Variants in COL24A1 observed in about 807,000 individuals in gnomAD.
The protein encoded by COL24A1 is collagen alpha-1(XXIV) chain.
Under a neutral mutation model 253.9 loss-of-function variants are expected in COL24A1, and 224 were observed. The ratio of observed to expected loss-of-function variants is 0.88; its 90% CI spans 0.79 to 0.99. The LOEUF (loss-of-function observed/expected upper bound fraction) is 0.99. Among genes scored for constraint, COL24A1 ranks in the 50% least tolerant of loss-of-function variants. The pLI, the probability that COL24A1 is intolerant of heterozygous loss-of-function variation, is 0.00. For synonymous variants in COL24A1, 685 were observed against 673.7 expected, an observed-to-expected ratio of 1.02 and a Z score of -0.26; for missense variants, 2,131 against 2,068.5, an observed-to-expected ratio of 1.03 and a Z score of -0.59.
chr1:85,799,379 TAAAAAAAAAAA>T (rs66952563), intron 47 of COL24A1, among the ~76,000 whole-genome samples: 2 of 112,336 alleles, frequency 1.8e-5, no homozygotes, highest in Non-Finnish European at 1.8e-5. Flanking sequence ...GTGCCATGAC[TAAAAAAAAAAA>T]AAAAAAAAAA....
intron 32 of COL24A1, 52 bp from the exon 33 acceptor site, chr1:85,877,227 G>A (rs1681281705): frequency 7.8e-7 from 1 of 1,290,164 alleles, no homozygotes; most frequent in East Asian, 2.5e-5. Flanking sequence ...CTCTATGTCA[G>A]TAAATGTATT....
intron 2 of COL24A1, among the ~76,000 whole-genome samples, chr1:86,140,450 T>C (rs1451470171): frequency 1.3e-5 from 2 of 152,216 alleles, no homozygotes; most frequent in Non-Finnish European, 2.9e-5. Context: ...CTAAGCTGTG[T>C]ATAGAAGTTT....
In COL24A1 at chr1:86,088,641, C is replaced by T. The variant is rs77771545; in HGVS notation, c.1707+533G>A. ...TTTCACTAGCTGTCCCCAATCCTCA[C>T]GTCACTTCCATCCTACCCTTCAAGC... On this transcript the variant is annotated intron_variant, in intron 7 of 59. Coordinates refer to ENST00000370571, the MANE Select transcript of COL24A1 (RefSeq NM_152890.7). 2.5e-3 allele frequency among the ~76,000 whole-genome samples: 385 copies of T among 152,270 alleles called. 1 individual carries two copies. The highest frequency in any genetic ancestry group is 8.8e-3 in the African/African-American group (366 of 41,554).
chr1:85,787,577 G>T (rs1259451845), intron 47 of COL24A1, among the ~76,000 whole-genome samples: 1 of 152,120 alleles, frequency 6.6e-6, no homozygotes, highest in Admixed American at 6.5e-5. Context: ...ATTCCATGCT[G>T]TATATGTACC....
intron 18 of COL24A1, among the ~76,000 whole-genome samples, chr1:86,020,565 T>C (rs1697436716): frequency 6.6e-6 from 1 of 152,164 alleles, no homozygotes; most frequent in South Asian, 2.1e-4. Context: ...TTGCCTTGTG[T>C]AAGCACGATA....
chr1:85,860,049 G>A (rs115447761), intron 37 of COL24A1, among the ~76,000 whole-genome samples: 2,960 of 152,168 alleles, frequency 0.019, 41 homozygotes, highest in Non-Finnish European at 0.034. Context: ...TAAAATAGAG[G>A]AACCAGTTGG....
At chr1:86,150,772 C>G (rs1271317010) in intron 1 of COL24A1, among the ~76,000 whole-genome samples, 2 of 152,232 alleles carry the variant, frequency 1.3e-5, no homozygotes, top group East Asian at 3.9e-4. Context: ...TATGATGTTA[C>G]ATTTATTATA....
In COL24A1 at chr1:85,838,631, A is replaced by G. The variant is rs1676274956; in HGVS notation, c.3635T>C (p.Val1212Ala). Residue 1212 changes from valine (V) to alanine (A), a missense_variant, in exon 43 of 60, where the codon GTG becomes GCG. Physicochemically the swap from Val to Ala is moderately conservative, Grantham distance 64. Coordinates refer to ENST00000370571, the MANE Select transcript of COL24A1 (RefSeq NM_152890.7). ...CTCTCCTCTCTCTCCTTGGTCCCCC[A>G]CTGGACCCTACAGAGACCACACACA... The part of the protein sequence containing the change: ...PPGPRGEPGP[V>A]GDQGERGEPG... 6.2e-7 allele frequency: 1 copy of G among 1,613,772 alleles called. No homozygotes were observed. The highest frequency in any genetic ancestry group is 1.7e-5 in the Admixed American group (1 of 59,998).
At position 86,064,501 on chromosome 1, in the gene COL24A1, A is replaced by C. The variant is rs375698917; in HGVS notation, c.1708-742T>G. 3.4e-4 allele frequency among the ~76,000 whole-genome samples: 52 copies of C among 152,338 alleles called. 2 individuals carry two copies. The East Asian group carries it at 9.6e-3, about 28-fold the overall frequency. Reference sequence around the variant, plus strand: ...GAAAAATTTTGGAGCTTATTTGTACAGTTCTACATAAAAATCAGTGGTTTG... The same window carrying C: ...GAAAAATTTTGGAGCTTATTTGTACCGTTCTACATAAAAATCAGTGGTTTG... On this transcript the variant is annotated intron_variant, in intron 7 of 59. Coordinates refer to ENST00000370571, the MANE Select transcript of COL24A1 (RefSeq NM_152890.7).
At chr1:85,808,484 A>T (rs1156270637) in intron 47 of COL24A1, among the ~76,000 whole-genome samples, 3 of 152,238 alleles carry the variant, frequency 2.0e-5, no homozygotes, top group African/African-American at 7.2e-5. Context: ...AATTGGAAGC[A>T]GTTTTCTTGC....
chr1:85,922,994 CAA>C (rs139014892), intron 24 of COL24A1, among the ~76,000 whole-genome samples: 6 of 150,472 alleles, frequency 4.0e-5, no homozygotes, highest in South Asian at 2.1e-4. Flanking sequence ...AAATGGAGAA[CAA>C]AAAAAAAAGC....
chr1:85,889,962 A>G (rs1682939713), intron 31 of COL24A1, among the ~76,000 whole-genome samples: 1 of 151,932 alleles, frequency 6.6e-6, no homozygotes, highest in African/African-American at 2.4e-5. Flanking sequence ...GTCTCCATGA[A>G]TTTGACTACC....
chr1:85,772,201 G>A (rs986013684), intron 53 of COL24A1, among the ~76,000 whole-genome samples: 3 of 151,648 alleles, frequency 2.0e-5, no homozygotes, highest in African/African-American at 7.3e-5. Flanking sequence ...GTCTATCATT[G>A]TTGGACATTC....
intron 20 of COL24A1, among the ~76,000 whole-genome samples, chr1:85,981,945 A>C (rs1693294261): frequency 6.6e-6 from 1 of 152,176 alleles, no homozygotes; most frequent in African/African-American, 2.4e-5. Context: ...TATCTTGTTG[A>C]TATAAACAGG....
intron 47 of COL24A1, among the ~76,000 whole-genome samples, chr1:85,814,388 A>AT (rs1672862093): frequency 6.6e-6 from 1 of 152,170 alleles, no homozygotes; most frequent in African/African-American, 2.4e-5. Flanking sequence ...TTAACTCAGT[A>AT]TTTTTTGTAT....
chr1:86,132,860 G>C (rs1042349109), intron 2 of COL24A1, among the ~76,000 whole-genome samples: 1 of 151,858 alleles, frequency 6.6e-6, no homozygotes, highest in African/African-American at 2.4e-5. Context: ...CTCTTTTTTG[G>C]TTCCATATGA....
intron 20 of COL24A1, among the ~76,000 whole-genome samples, chr1:85,979,907 C>T (rs974181435): frequency 3.3e-5 from 5 of 152,214 alleles, no homozygotes; most frequent in African/African-American, 1.2e-4. Flanking sequence ...AGAACAATAT[C>T]CCTGATGAAT....
intron 45 of COL24A1, among the ~76,000 whole-genome samples, chr1:85,818,580 C>T (rs1286759420): frequency 6.6e-6 from 1 of 152,174 alleles, no homozygotes; most frequent in Non-Finnish European, 1.5e-5. Context: ...TAGAGAAGAG[C>T]ATACTTGTGA....
intron 7 of COL24A1, among the ~76,000 whole-genome samples, chr1:86,067,024 A>C (rs1701544097): frequency 6.6e-6 from 1 of 152,028 alleles, no homozygotes; most frequent in South Asian, 2.1e-4. Context: ...CTGTAATCCC[A>C]GCTACTTGGG....
Sources: allele counts gnomAD v4.1 joint callset (sites outside exome capture counted in the v4.1 genomes callset), GRCh38; gene constraint gnomAD v4.1.1; transcripts MANE v1.5; gene names NCBI Gene and HGNC (gene_info 2026-07-23, HGNC 2026-07-21).